The following TPST1 variants were observed in gnomAD, a reference collection of about 807,000 sequenced individuals.
TPST1 encodes the protein tyrosylprotein sulfotransferase 1.
Under a neutral mutation model 34.8 loss-of-function variants are expected in TPST1, and 20 were observed. The ratio of observed to expected loss-of-function variants is 0.57; its 90% CI spans 0.40 to 0.84. The LOEUF (loss-of-function observed/expected upper bound fraction) is 0.84. Among genes scored for constraint, TPST1 ranks in the 40% least tolerant of loss-of-function variants. TPST1 has a pLI of 0.00. For missense variants in TPST1, 353 were observed against 455.5 expected (o/e 0.78, Z 2.05); for synonymous variants, 152 against 159.4 (o/e 0.95, Z 0.35).
At chr7:66,317,253 A>C (rs1791652835) in intron 3 of TPST1, among the ~76,000 whole-genome samples, 1 of 151,784 alleles carries the variant, frequency 6.6e-6, no homozygotes. Context: ...CTACCTATAC[A>C]GTTTTGGTGG....
chr7:66,358,885 CT>C (rs1396148708), intron 5 of TPST1, among the ~76,000 whole-genome samples: 3 of 152,188 alleles, frequency 2.0e-5, no homozygotes, highest in Non-Finnish European at 4.4e-5. Flanking sequence ...CAGCAGTTGC[CT>C]CTGCAGCATT....
At chr7:66,262,084 T>G (rs1271502972) in intron 2 of TPST1, among the ~76,000 whole-genome samples, 1 of 152,208 alleles carries the variant, frequency 6.6e-6, no homozygotes, top group Non-Finnish European at 1.5e-5. Flanking sequence ...ATAGTATTGC[T>G]GTCCACCTGG....
chr7:66,244,510 G>T (rs1790108018), intron 2 of TPST1, among the ~76,000 whole-genome samples: 1 of 152,090 alleles, frequency 6.6e-6, no homozygotes, highest in Non-Finnish European at 1.5e-5. Context: ...TTGCGTCTCT[G>T]GGCTGTTCCA....
intron 1 of TPST1, among the ~76,000 whole-genome samples, chr7:66,220,857 G>C (rs902271067): frequency 6.6e-6 from 1 of 152,226 alleles, no homozygotes; most frequent in African/African-American, 2.4e-5. Context: ...TCCTGGCTGG[G>C]AGCGGTGGCT....
chr7:66,271,365 G>T (rs995730298), intron 2 of TPST1, among the ~76,000 whole-genome samples: 1 of 152,188 alleles, frequency 6.6e-6, no homozygotes, highest in Non-Finnish European at 1.5e-5. Flanking sequence ...TTTTAGTAGA[G>T]ACGGGGTTTC....
At chr7:66,325,926 G>A (rs1416920824) in intron 3 of TPST1, among the ~76,000 whole-genome samples, 1 of 152,172 alleles carries the variant, frequency 6.6e-6, no homozygotes, top group African/African-American at 2.4e-5. Flanking sequence ...GAGCCACCAT[G>A]CCTGGCCTTT....
chr7:66,215,771 C>CTTTTTTTTTT (rs772346557), intron 1 of TPST1, among the ~76,000 whole-genome samples: 2 of 108,536 alleles, frequency 1.8e-5, no homozygotes, highest in African/African-American at 3.7e-5. Flanking sequence ...TTTTCTTTTT[C>CTTTTTTTTTT]TTTCTTTTTT....
intron 1 of TPST1, among the ~76,000 whole-genome samples, chr7:66,225,947 T>C (rs893113669): frequency 3.9e-5 from 6 of 152,090 alleles, no homozygotes; most frequent in Admixed American, 2.0e-4. Context: ...AGTGCAGTGG[T>C]GTGATCTCGG....
At chr7:66,336,668 G>T (rs1792127826) in intron 3 of TPST1, among the ~76,000 whole-genome samples, 1 of 152,154 alleles carries the variant, frequency 6.6e-6, no homozygotes, top group Non-Finnish European at 1.5e-5. Context: ...GAAGAAAAGG[G>T]TGTAGAAAGC....
intron 2 of TPST1, among the ~76,000 whole-genome samples, chr7:66,256,179 A>G (rs1427481217): frequency 6.6e-6 from 1 of 152,184 alleles, no homozygotes; most frequent in Non-Finnish European, 1.5e-5. Context: ...TGTTGTATTT[A>G]TTTTAATGTA....
chr7:66,313,592 C>T (rs1584231727), intron 3 of TPST1, among the ~76,000 whole-genome samples: 1 of 152,188 alleles, frequency 6.6e-6, no homozygotes, highest in African/African-American at 2.4e-5. Flanking sequence ...GTTGATTTTC[C>T]TGGGAATAGA....
At chr7:66,230,463 G>A (rs1041719235) in intron 1 of TPST1, among the ~76,000 whole-genome samples, 8 of 152,060 alleles carry the variant, frequency 5.3e-5, no homozygotes, top group African/African-American at 1.2e-4. Flanking sequence ...GGCTGTGTTC[G>A]GAGTTTCTTC....
chr7:66,219,756 T>C lies in TPST1; in HGVS notation c.-102+14234T>C, dbSNP rs565535270. Among the ~76,000 whole-genome samples the C allele has an allele frequency of 2.6e-5, 4 of 152,366 alleles. No homozygotes were observed. In the East Asian group the frequency reaches 7.7e-4, roughly 29 times the overall value. On this transcript the variant is annotated intron_variant, in intron 1 of 5. Coordinates refer to ENST00000304842, the MANE Select transcript of TPST1 (RefSeq NM_003596.4). ...GGCTTTTTGTTCATGCCAAGCCTAA[T>C]AATGACTGGGACGTACCATGGTATA...
chr7:66,256,098 T>C (rs974034411), intron 2 of TPST1, among the ~76,000 whole-genome samples: 3 of 152,230 alleles, frequency 2.0e-5, no homozygotes, highest in African/African-American at 7.2e-5. Context: ...GTGTAGGAAA[T>C]GGAGGAAAAT....
intron 1 of TPST1, among the ~76,000 whole-genome samples, chr7:66,224,243 A>G (rs1013890307): frequency 6.6e-5 from 10 of 152,232 alleles, no homozygotes; most frequent in Admixed American, 6.5e-4. Context: ...ATTCAAAATC[A>G]GTCTCTGTGC....
At chr7:66,316,569 T>C (rs1010797511) in intron 3 of TPST1, among the ~76,000 whole-genome samples, 6 of 152,204 alleles carry the variant, frequency 3.9e-5, no homozygotes, top group Non-Finnish European at 5.9e-5. Flanking sequence ...CTCTCTAAAG[T>C]TGTCAAATTT....
chr7:66,215,376 A>G (rs1307897413), intron 1 of TPST1, among the ~76,000 whole-genome samples: 4 of 148,292 alleles, frequency 2.7e-5, no homozygotes, highest in East Asian at 2.0e-4. Flanking sequence ...ATATATATGT[A>G]TATATATATA....
Position 66,205,522 on chromosome 7 carries a change from G to C in TPST1, c.-102G>C, listed in dbSNP as rs1180735614. On this transcript the variant is annotated splice_region_variant and 5_prime_UTR_variant, in exon 1 of 6. Transcript: ENST00000304842. The surrounding 1 kb of genome is among the most constrained non-coding windows in gnomAD (Gnocchi z 5.0). ...GCGCGGCGGCTCCTCACTCATCCCA[G>C]GTAAGGGGGACGCGGCGCTCGCTGC... 1 of 152,612 alleles carries C rather than the reference G, an allele frequency of 6.6e-6. No individual in the cohort carries two copies. The highest frequency in any genetic ancestry group is 1.9e-4 in the East Asian group (1 of 5,188). The allele number at this position is 152,612 out of a possible 1,614,324, so 9.5% of individuals were successfully genotyped here. A position where few individuals can be genotyped will look rare whatever the true frequency, so the allele number is the denominator to read the frequency against.
chr7:66,238,308 A>G (rs1040700186), intron 1 of TPST1, among the ~76,000 whole-genome samples: 1 of 151,824 alleles, frequency 6.6e-6, no homozygotes, highest in Admixed American at 6.6e-5. Flanking sequence ...CCTGTTAAGA[A>G]TTCCTTCGTT....
Sources: gnomAD v4.1 joint callset for allele counts (sites outside exome capture counted in the v4.1 genomes callset) on GRCh38, gnomAD v4.1.1 for gene constraint, Gnocchi (gnomAD v3.1) non-coding constraint, MANE v1.5 for transcripts, NCBI Gene and HGNC (gene_info 2026-07-23, HGNC 2026-07-21) for gene names.